The following TMEM178B variants were observed in gnomAD, a reference collection of about 807,000 sequenced individuals.
The protein encoded by TMEM178B is transmembrane protein 178B.
In TMEM178B, 5 loss-of-function variants were observed where a neutral mutation model predicts 31.0. The observed-to-expected ratio is 0.16, with a 90% CI of 0.08 to 0.34. TMEM178B has a LOEUF of 0.34. Ranked by LOEUF, TMEM178B falls within the 10% of genes least tolerant of loss-of-function variation. The pLI, the probability that TMEM178B is intolerant of heterozygous loss-of-function variation, is 1.00. For synonymous variants in TMEM178B, 164 were observed against 164.0 expected, an observed-to-expected ratio of 1.00 and a Z score of 0.00; for missense variants, 275 against 400.3, an observed-to-expected ratio of 0.69 and a Z score of 2.67.
chr7:141,384,466 A>G (rs1800392715), intron 2 of TMEM178B, among the ~76,000 whole-genome samples: 1 of 152,244 alleles, frequency 6.6e-6, no homozygotes, highest in Non-Finnish European at 1.5e-5. Flanking sequence ...CATTTATTAA[A>G]TAGGGAATCC....
chr7:141,505,900 G>A, the TMEM178B span, among the ~76,000 whole-genome samples: 2 of 152,176 alleles, frequency 1.3e-5, no homozygotes, highest in Non-Finnish European at 2.9e-5. Flanking sequence ...AGTAGACCAG[G>A]TGCTGACTCC....
At chr7:141,242,541 CTTTT>C (rs58320290) in intron 2 of TMEM178B, among the ~76,000 whole-genome samples, 2 of 91,642 alleles carry the variant, frequency 2.2e-5, no homozygotes, top group Admixed American at 1.2e-4. Flanking sequence ...GATTCTTTTC[CTTTT>C]TTTTTTTTTT....
At position 141,480,216 on chromosome 7, in the gene TMEM178B, C is replaced by G. The variant is rs1802448243; in HGVS notation, c.*9430C>G. 6.6e-6 allele frequency: 1 copy of G among 152,134 alleles called. No individual in the cohort carries two copies. Among genetic ancestry groups the G allele is most frequent in the Non-Finnish European group, 1.5e-5 (1 of 68,022 alleles). The allele number at this position is 152,134 out of a possible 1,614,324, so 9.4% of individuals were successfully genotyped here. On this transcript the variant is annotated 3_prime_UTR_variant, in exon 4 of 4. Coordinates refer to ENST00000565468, the MANE Select transcript of TMEM178B (RefSeq NM_001195278.2). ...GAAACTGACTGCATCTTGCAATTTT[C>G]TTTTTCGAATTGGCAGAAATATTGT...
chr7:141,342,585 G>T (rs1049293343), intron 2 of TMEM178B, among the ~76,000 whole-genome samples: 1 of 152,158 alleles, frequency 6.6e-6, no homozygotes, highest in South Asian at 2.1e-4. Flanking sequence ...TCACCTGTTA[G>T]GTGGTTGCGT....
rs375127978 is a variant in TMEM178B, at chr7:141,127,537, T to A, written c.382+52845T>A. Among the ~76,000 whole-genome samples, 19 of 152,280 alleles carry A rather than the reference T, an allele frequency of 1.2e-4. No homozygotes were observed. The South Asian group carries it at 3.9e-3, about 32-fold the overall frequency. ...GTGAATATGTAGGCAGAGATTGGGA[T>A]GTTGGAGCACCAAAGATACTGGAGG... On this transcript the variant is annotated intron_variant, in intron 1 of 3. Coordinates refer to ENST00000565468, the MANE Select transcript of TMEM178B (RefSeq NM_001195278.2).
intron 1 of TMEM178B, among the ~76,000 whole-genome samples, chr7:141,201,302 G>A (rs11761994): frequency 0.024 from 3,580 of 152,294 alleles, 64 homozygotes; most frequent in South Asian, 0.042. Context: ...GCACAGGAGT[G>A]ACTGTGCTCA....
chr7:141,350,303 T>A (rs1799697740), intron 2 of TMEM178B, among the ~76,000 whole-genome samples: 1 of 152,064 alleles, frequency 6.6e-6, no homozygotes, highest in Admixed American at 6.6e-5. Context: ...GCCTTTCTAA[T>A]CCTTGACCAG....
chr7:141,163,480 A>G (rs1405166014), intron 1 of TMEM178B, among the ~76,000 whole-genome samples: 4 of 151,980 alleles, frequency 2.6e-5, no homozygotes, highest in South Asian at 4.2e-4. Context: ...GCAGTCTACC[A>G]CAGATTGGTA....
intron 1 of TMEM178B, among the ~76,000 whole-genome samples, chr7:141,112,103 G>A (rs1271891391): frequency 1.3e-5 from 2 of 152,002 alleles, no homozygotes; most frequent in South Asian, 4.2e-4. Flanking sequence ...TAGCCTGTTC[G>A]CTGGTAGTCA....
intron 1 of TMEM178B, among the ~76,000 whole-genome samples, chr7:141,108,273 A>G (rs1024907297): frequency 3.3e-5 from 5 of 152,232 alleles, no homozygotes; most frequent in African/African-American, 1.2e-4. Flanking sequence ...AAATAACAGC[A>G]TATTTGAATG....
intron 1 of TMEM178B, among the ~76,000 whole-genome samples, chr7:141,083,569 G>A (rs1478405909): frequency 6.6e-6 from 1 of 152,020 alleles, no homozygotes; most frequent in Non-Finnish European, 1.5e-5. Flanking sequence ...ATCATCCTGG[G>A]TTCTAGTTTG....
chr7:141,420,206 C>T (rs1318984402), intron 2 of TMEM178B, among the ~76,000 whole-genome samples: 1 of 151,792 alleles, frequency 6.6e-6, no homozygotes, highest in African/African-American at 2.4e-5. Context: ...CCCCCCACTA[C>T]ATACACATAT....
intron 2 of TMEM178B, among the ~76,000 whole-genome samples, chr7:141,363,631 C>T (rs1056185002): frequency 5.9e-5 from 9 of 152,182 alleles, no homozygotes; most frequent in African/African-American, 1.9e-4. Flanking sequence ...GAAGAATTAT[C>T]CCCTTCTGTC....
chr7:141,404,129 C>A (rs150361401), intron 2 of TMEM178B, among the ~76,000 whole-genome samples: 2 of 152,076 alleles, frequency 1.3e-5, no homozygotes, highest in East Asian at 3.9e-4. Context: ...CATGGTGAAA[C>A]CCCATCTCTA....
At chr7:141,448,537 T>C (rs1261229215) in intron 3 of TMEM178B, among the ~76,000 whole-genome samples, 1 of 152,142 alleles carries the variant, frequency 6.6e-6, no homozygotes, top group Non-Finnish European at 1.5e-5. Flanking sequence ...AATCAAATCA[T>C]TTACTTGCAC....
intron 1 of TMEM178B, among the ~76,000 whole-genome samples, chr7:141,143,517 A>G (rs954554696): frequency 2.6e-5 from 4 of 152,162 alleles, no homozygotes; most frequent in African/African-American, 9.7e-5. Flanking sequence ...GTCAAAGATC[A>G]GATGGTTGTA....
chr7:141,502,408 G>A, the TMEM178B span, among the ~76,000 whole-genome samples: 3 of 152,062 alleles, frequency 2.0e-5, no homozygotes, highest in African/African-American at 7.3e-5. Context: ...CCAGTCCAAC[G>A]GGCTAAATCC....
intron 1 of TMEM178B, among the ~76,000 whole-genome samples, chr7:141,134,770 C>T (rs1795648189): frequency 6.6e-6 from 1 of 152,140 alleles, no homozygotes; most frequent in Non-Finnish European, 1.5e-5. Flanking sequence ...ATGCTTCTTA[C>T]AAGAAACTCA....
intron 1 of TMEM178B, among the ~76,000 whole-genome samples, chr7:141,101,074 A>T (rs1795049963): frequency 6.6e-6 from 1 of 152,236 alleles, no homozygotes; most frequent in Admixed American, 6.5e-5. Context: ...GTAAATTTCC[A>T]CAGGCTCGAT....
Sources: allele counts gnomAD v4.1 joint callset (sites outside exome capture counted in the v4.1 genomes callset), GRCh38; gene constraint gnomAD v4.1.1; transcripts MANE v1.5; gene names NCBI Gene and HGNC (gene_info 2026-07-23, HGNC 2026-07-21).